Variants in PIK3CA observed in about 807,000 individuals in gnomAD.
The protein encoded by PIK3CA is phosphatidylinositol-4,5-bisphosphate 3-kinase catalytic subunit alpha.
A neutral mutation model predicts 138.2 loss-of-function variants in PIK3CA; 27 were observed. That is an observed-to-expected ratio of 0.20 (90% CI 0.14 to 0.27). PIK3CA has a LOEUF of 0.27. Ranked by LOEUF, PIK3CA falls within the 10% of genes least tolerant of loss-of-function variation. The pLI is 1.00. For missense variants in PIK3CA, 544 were observed against 1,277.4 expected (o/e 0.43, Z 8.75); for synonymous variants, 358 against 413.2 (o/e 0.87, Z 1.62).
intron 1 of PIK3CA, among the ~76,000 whole-genome samples, chr3:179,160,202 C>T (rs771061354): frequency 1.3e-5 from 2 of 152,170 alleles, no homozygotes; most frequent in Admixed American, 6.5e-5. Flanking sequence ...AGTTTGTCAG[C>T]TCCATTAATC....
At chr3:179,231,665 GAGTCT>G (rs1560149759) in intron 20 of PIK3CA, among the ~76,000 whole-genome samples, 12 of 85,934 alleles carry the variant, frequency 1.4e-4, no homozygotes, top group Admixed American at 2.8e-4. Flanking sequence ...TTTTGAGATG[GAGTCT>G]CACTCTTGTT....
At chr3:179,212,605 A>G (rs1443545363) in intron 9 of PIK3CA, among the ~76,000 whole-genome samples, 1 of 151,794 alleles carries the variant, frequency 6.6e-6, no homozygotes, top group Non-Finnish European at 1.5e-5. Flanking sequence ...CTCCGTCTCA[A>G]AAAAACAAAA....
At chr3:179,149,437 A>C (rs915190327) in intron 1 of PIK3CA, 4 of 152,208 alleles carry the variant, frequency 2.6e-5, no homozygotes, top group African/African-American at 9.7e-5. Context: ...GATGGTGGCC[A>C]ACCGTGTTAC....
chr3:179,181,522 A>AT (rs1202197429), intron 1 of PIK3CA, among the ~76,000 whole-genome samples: 3 of 152,178 alleles, frequency 2.0e-5, no homozygotes, highest in Admixed American at 2.0e-4. Context: ...GGGAAAGTAG[A>AT]TTTTTTAAAC....
intron 1 of PIK3CA, among the ~76,000 whole-genome samples, chr3:179,180,707 G>A (rs1009554975): frequency 1.3e-5 from 2 of 152,074 alleles, no homozygotes; most frequent in Non-Finnish European, 2.9e-5. Context: ...AATGAGCAGA[G>A]TAAGAGGTAC....
At chr3:179,192,584 C>G (rs977375735) in intron 1 of PIK3CA, among the ~76,000 whole-genome samples, 1 of 152,216 alleles carries the variant, frequency 6.6e-6, no homozygotes, top group African/African-American at 2.4e-5. Flanking sequence ...AATTCTAATA[C>G]ATTACAGGGA....
chr3:179,157,276 C>T (rs1393500591), intron 1 of PIK3CA, among the ~76,000 whole-genome samples: 1 of 152,090 alleles, frequency 6.6e-6, no homozygotes, highest in Non-Finnish European at 1.5e-5. Flanking sequence ...TAGGCAGCAT[C>T]TTATGGTATT....
At chr3:179,183,895 T>C (rs1224978404) in intron 1 of PIK3CA, among the ~76,000 whole-genome samples, 1 of 152,226 alleles carries the variant, frequency 6.6e-6, no homozygotes, top group Non-Finnish European at 1.5e-5. Flanking sequence ...TAAAATATGT[T>C]TTATGACACT....
rs2108425304 is a variant in PIK3CA, at chr3:179,230,353, C to T, written c.2913C>T (p.Cys971=). Residue 971 remains cysteine (C), a synonymous_variant, in exon 20 of 21, where the codon TGC becomes TGT. Transcript: ENST00000263967. This position sits in a 1 kb window ranked among gnomAD's most constrained non-coding sequence, Gnocchi z 5.4. ...TGATTAGTAAAGGAGCCCAAGAATGCACAAAGACAAGAGAATTTGAGAGGT... is the reference window on the plus strand; with the variant it reads ...TGATTAGTAAAGGAGCCCAAGAATGTACAAAGACAAGAGAATTTGAGAGGT... The part of the protein sequence containing the change: ...LIVISKGAQE[C]TKTREFERFQ... The T allele has an allele frequency of 2.5e-6, 4 of 1,604,770 alleles. No individual in the cohort carries two copies. The highest frequency in any genetic ancestry group is 2.2e-5 in the South Asian group (2 of 89,012).
Position 179,239,078 on chromosome 3 carries a change from C to T in PIK3CA, c.*4714C>T, listed in dbSNP as rs1725387595. The T allele has an allele frequency of 9.2e-6, 2 of 216,902 alleles. No homozygotes were observed. Among genetic ancestry groups the T allele is most frequent in the Non-Finnish European group, 9.3e-6 (1 of 107,870 alleles). 13.4% of individuals were successfully genotyped at this position (216,902 alleles called of 1,614,324 possible). A position where few individuals can be genotyped will look rare whatever the true frequency, so the allele number is the denominator to read the frequency against. ...TTCTGACTTAATTTGTACACAACTACATATAAGAGTTTTAGTGGAGGAAAA... is the reference window on the plus strand; with the variant it reads ...TTCTGACTTAATTTGTACACAACTATATATAAGAGTTTTAGTGGAGGAAAA... On this transcript the variant is annotated 3_prime_UTR_variant, in exon 21 of 21. Coordinates refer to ENST00000263967, the MANE Select transcript of PIK3CA (RefSeq NM_006218.4).
intron 17 of PIK3CA, among the ~76,000 whole-genome samples, chr3:179,228,429 G>C (rs563657752): frequency 2.0e-5 from 3 of 152,012 alleles, no homozygotes; most frequent in Non-Finnish European, 4.4e-5. Context: ...TATTGATACA[G>C]TTTTAGATTA....
intron 1 of PIK3CA, among the ~76,000 whole-genome samples, chr3:179,165,847 C>G (rs1576916329): frequency 6.6e-6 from 1 of 152,120 alleles, no homozygotes; most frequent in African/African-American, 2.4e-5. Context: ...TATGGCTTCT[C>G]CTACTCAGTA....
At chr3:179,157,806 G>A (rs1281437999) in intron 1 of PIK3CA, among the ~76,000 whole-genome samples, 2 of 152,024 alleles carry the variant, frequency 1.3e-5, no homozygotes, top group African/African-American at 4.8e-5. Flanking sequence ...GTTCTCTAGA[G>A]TCAGACTATC....
intron 6 of PIK3CA, among the ~76,000 whole-genome samples, chr3:179,208,835 ATT>A (rs1010725314): frequency 3.3e-5 from 5 of 151,494 alleles, no homozygotes; most frequent in Non-Finnish European, 5.9e-5. Context: ...TGTATCCATC[ATT>A]TTATTTACCT....
chr3:179,191,949 G>C (rs569841102), intron 1 of PIK3CA, among the ~76,000 whole-genome samples: 1 of 152,110 alleles, frequency 6.6e-6, no homozygotes, highest in Non-Finnish European at 1.5e-5. Flanking sequence ...AAAAACATAA[G>C]TATTTTAAAC....
At chr3:179,181,166 A>T (rs1311058078) in intron 1 of PIK3CA, among the ~76,000 whole-genome samples, 1 of 152,190 alleles carries the variant, frequency 6.6e-6, no homozygotes, top group Non-Finnish European at 1.5e-5. Context: ...AAGCAGACAG[A>T]TGGACAGTTC....
intron 9 of PIK3CA, among the ~76,000 whole-genome samples, chr3:179,215,672 A>T (rs1444474145): frequency 6.6e-6 from 1 of 152,166 alleles, no homozygotes; most frequent in African/African-American, 2.4e-5. Context: ...AGTATAGAAG[A>T]AGTCTGCAGA....
At chr3:179,191,812 A>G (rs1327216826) in intron 1 of PIK3CA, among the ~76,000 whole-genome samples, 1 of 151,964 alleles carries the variant, frequency 6.6e-6, no homozygotes, top group Non-Finnish European at 1.5e-5. Flanking sequence ...TAATTTTTGT[A>G]TTTTTAGTAG....
chr3:179,192,614 C>T (rs2108380169), intron 1 of PIK3CA, among the ~76,000 whole-genome samples: 1 of 152,306 alleles, frequency 6.6e-6, no homozygotes, highest in African/African-American at 2.4e-5. Flanking sequence ...TTTTTTTCTG[C>T]AAGATGCCAG....
Sources: gnomAD v4.1 joint callset for allele counts (sites outside exome capture counted in the v4.1 genomes callset) on GRCh38, gnomAD v4.1.1 for gene constraint, Gnocchi (gnomAD v3.1) non-coding constraint, MANE v1.5 for transcripts, NCBI Gene and HGNC (gene_info 2026-07-23, HGNC 2026-07-21) for gene names.